Variants in TECPR1 observed in about 807,000 individuals in gnomAD.
The protein encoded by TECPR1 is tectonin beta-propeller repeat-containing protein 1.
A neutral mutation model predicts 162.4 loss-of-function variants in TECPR1; 122 were observed. The ratio of observed to expected loss-of-function variants is 0.75; its 90% CI spans 0.65 to 0.87. TECPR1 has a LOEUF of 0.87. Among genes scored for constraint, TECPR1 ranks in the 40% least tolerant of loss-of-function variants. The pLI, the probability that TECPR1 is intolerant of heterozygous loss-of-function variation, is 0.00. For missense variants in TECPR1, 1,432 were observed against 1,618.2 expected, an observed-to-expected ratio of 0.88 and a Z score of 1.97; for synonymous variants, 642 against 670.6, an observed-to-expected ratio of 0.96 and a Z score of 0.66.
In TECPR1 at chr7:98,222,413, C is replaced by T. The variant is rs1441326858; in HGVS notation, c.3037G>A (p.Gly1013Arg). The change falls in exon 22 of 26, where the codon GGA (glycine) becomes AGA (arginine). Residue 1013 changes from glycine (G) to arginine (R), a missense_variant. Physicochemically the swap from Gly to Arg is moderately radical, Grantham distance 125. Coordinates refer to ENST00000447648, the MANE Select transcript of TECPR1 (RefSeq NM_015395.3). The stretch of plus-strand genomic sequence containing the variant: ...GCTGGCTGCGAGGGGTACACGGATC[C>T]CCGGTAGAAGGCGGAGCCGTCCCTT... Reference protein sequence around the residue: ...VARDGSAFYRGSVYPSQPAGD... With the variant: ...VARDGSAFYRRSVYPSQPAGD... 5.0e-6 allele frequency: 8 copies of T among 1,599,102 alleles called. No individual in the cohort carries two copies. The highest frequency in any genetic ancestry group is 6.8e-6 in the Non-Finnish European group (8 of 1,173,892).
chr7:98,250,595 G>A (rs1393551430), intron 2 of TECPR1, among the ~76,000 whole-genome samples: 1 of 152,140 alleles, frequency 6.6e-6, no homozygotes, highest in Non-Finnish European at 1.5e-5. Flanking sequence ...CTATGATTGT[G>A]CCACTGCACT....
At chr7:98,222,549 G>T (rs1193332785) in intron 21 of TECPR1, 28 bp from the exon 22 acceptor site, 1 of 1,553,326 alleles carries the variant, frequency 6.4e-7, no homozygotes, top group East Asian at 2.4e-5. Flanking sequence ...GGGCGCTGAG[G>T]TCACCAGGGC....
At position 98,236,932 on chromosome 7, in the gene TECPR1, G is replaced by A. The variant is rs1377674853; in HGVS notation, c.1036-11C>T. ...GCCAATGCCCCACACCTGGAAGAGA[G>A]AGGCTGTGTTCCGAGGAATCTGGGC... On this transcript the variant is annotated splice_polypyrimidine_tract_variant and intron_variant, in intron 9 of 25. Transcript: ENST00000447648. 6.5e-7 allele frequency: 1 copy of A among 1,539,412 alleles called. No homozygotes were observed.
chr7:98,245,171 C>G (rs984565192), intron 3 of TECPR1, 104 bp from the exon 4 acceptor site: 40 of 1,276,310 alleles, frequency 3.1e-5, no homozygotes, highest in Non-Finnish European at 4.4e-5. Context: ...CCAGCCGACC[C>G]CCTCATTGAT....
intron 10 of TECPR1, among the ~76,000 whole-genome samples, chr7:98,236,490 C>T (rs118053816): frequency 2.2e-4 from 34 of 151,880 alleles, no homozygotes; most frequent in Non-Finnish European, 5.9e-5. Flanking sequence ...ACCTCCATCA[C>T]GACAGCCCAG....
intron 9 of TECPR1, 61 bp downstream of exon 9, chr7:98,238,448 G>T: frequency 1.5e-6 from 2 of 1,364,046 alleles, no homozygotes; most frequent in Non-Finnish European, 2.0e-6. Flanking sequence ...CTATTGGGTG[G>T]CATCAGGAGC....
At chr7:98,218,184 C>A (rs1798063214) in intron 23 of TECPR1, 142 bp from the exon 24 acceptor site, 3 of 660,112 alleles carry the variant, frequency 4.5e-6, no homozygotes, top group Non-Finnish European at 7.9e-6. Flanking sequence ...GGTCCTGGCC[C>A]CTGAGTCAGG....
intron 3 of TECPR1, among the ~76,000 whole-genome samples, chr7:98,245,312 C>T (rs1235588703): frequency 1.3e-5 from 2 of 152,236 alleles, no homozygotes; most frequent in Admixed American, 1.3e-4. Flanking sequence ...CCAGCCACGG[C>T]GCTGTGAGCA....
At chr7:98,228,831 TG>T in intron 16 of TECPR1, 1 of 614,444 alleles carries the variant, frequency 1.6e-6, no homozygotes, top group Non-Finnish European at 2.7e-6. Flanking sequence ...GCTGCCTCTC[TG>T]GAACCTTCGA....
intron 6 of TECPR1, among the ~76,000 whole-genome samples, chr7:98,242,154 C>T (rs778050929): frequency 1.1e-4 from 17 of 152,194 alleles, no homozygotes; most frequent in Non-Finnish European, 2.2e-4. Context: ...CCAACGTGGC[C>T]GCAGAGGGGG....
rs1562944876 is a variant in TECPR1 at position 98,244,675 on chromosome 7, C to T, written c.427G>A (p.Asp143Asn). 2 of 1,611,940 alleles carry T rather than the reference C, an allele frequency of 1.2e-6. No individual in the cohort carries two copies. The highest frequency in any genetic ancestry group is 1.7e-6 in the Non-Finnish European group (2 of 1,179,068). The change falls in exon 5 of 26, where the codon GAC (aspartate) becomes AAC (asparagine). Residue 143 changes from aspartate (D) to asparagine (N), a missense_variant. Coordinates refer to ENST00000447648, the MANE Select transcript of TECPR1 (RefSeq NM_015395.3). ...TEKGGWTYAI[D>N]FPATYTKDKK... ...TCTTTCGTGTAGGTGGCGGGAAAGT[C>T]GATGGCGTACGTCCACCCCTGAAAC...
Position 98,224,900 on chromosome 7 carries a change from G to A in TECPR1, c.2611-20C>T, listed in dbSNP as rs1401408811. The A allele has an allele frequency of 3.2e-6, 5 of 1,556,042 alleles. No individual in the cohort carries two copies. The highest frequency in any genetic ancestry group is 2.6e-6 in the Non-Finnish European group (3 of 1,150,104). The stretch of plus-strand genomic sequence containing the variant: ...GGAAACCTGGGAGGAGTGGGTCAGT[G>A]AGGATGGGACCCCCCGAATCCAGAA... On this transcript the variant is annotated intron_variant, in intron 18 of 25. Coordinates refer to ENST00000447648, the MANE Select transcript of TECPR1 (RefSeq NM_015395.3).
chr7:98,237,036 G>C (rs974176256), intron 9 of TECPR1, 115 bp from the exon 10 acceptor site: 15 of 1,211,298 alleles, frequency 1.2e-5, no homozygotes, highest in Non-Finnish European at 1.5e-5. Flanking sequence ...TGTGTGGGCT[G>C]GGAAGGTCCA....
chr7:98,217,658 G>A (rs1251209383), intron 25 of TECPR1, 34 bp downstream of exon 25: 19 of 1,523,412 alleles, frequency 1.2e-5, no homozygotes, highest in Non-Finnish European at 1.6e-5. Flanking sequence ...GGCACAAGGT[G>A]ATAACACAGC....
rs1237405735 is a variant in TECPR1, at chr7:98,236,143, G to A, written c.1181+633C>T. ...CTGAGTCGCCTGCCTGTGCTCTCAC[G>A]GCTGGTGGGCAGAGCTGGGGCTTGT... On this transcript the variant is annotated intron_variant, in intron 10 of 25. Coordinates refer to ENST00000447648, the MANE Select transcript of TECPR1 (RefSeq NM_015395.3). Among the ~76,000 whole-genome samples the A allele has an allele frequency of 3.9e-5, 6 of 152,280 alleles. No individual in the cohort carries two copies. The South Asian group carries it at 8.3e-4, about 21-fold the overall frequency.
rs201811067 is a variant in TECPR1, at chr7:98,236,933, A to C, written c.1036-12T>G. On this transcript the variant is annotated splice_polypyrimidine_tract_variant and intron_variant, in intron 9 of 25. Transcript: ENST00000447648. ...CCAATGCCCCACACCTGGAAGAGAG[A>C]GGCTGTGTTCCGAGGAATCTGGGCG... 8.3e-5 allele frequency: 128 copies of C among 1,537,436 alleles called. No individual in the cohort carries two copies. The highest frequency in any genetic ancestry group is 1.6e-5 in the Non-Finnish European group (18 of 1,140,084).
intron 6 of TECPR1, among the ~76,000 whole-genome samples, chr7:98,242,039 C>A (rs1431638439): frequency 6.6e-6 from 1 of 152,234 alleles, no homozygotes; most frequent in African/African-American, 2.4e-5. Flanking sequence ...GGCCATGGCC[C>A]CCCGATGGGG....
rs1329136416 is a variant in TECPR1 at position 98,222,434 on chromosome 7, C to T, written c.3016G>A (p.Asp1006Asn). ...GATCCCCGGTAGAAGGCGGAGCCGT[C>T]CCTTGCCACGGCCCACACCTGGTAG... ...ACYQVWAVAR[D>N]GSAFYRGSVY... The change falls in exon 22 of 26, where the codon GAC becomes AAC. Residue 1006 changes from aspartate (D) to asparagine (N), a missense_variant. Physicochemically the swap from Asp to Asn is conservative, Grantham distance 23 (BLOSUM62 1). Coordinates refer to ENST00000447648, the MANE Select transcript of TECPR1 (RefSeq NM_015395.3). 6.3e-7 allele frequency: 1 copy of T among 1,596,194 alleles called. No individual in the cohort carries two copies. Among genetic ancestry groups the T allele is most frequent in the Non-Finnish European group, 8.5e-7 (1 of 1,172,432 alleles).
chr7:98,245,894 C>A, intron 3 of TECPR1, 28 bp downstream of exon 3: 1 of 1,563,788 alleles, frequency 6.4e-7, no homozygotes, highest in South Asian at 1.2e-5. Context: ...CTGACCCGCT[C>A]GGCAACTCCA....
Sources: gnomAD v4.1 joint callset for allele counts (sites outside exome capture counted in the v4.1 genomes callset) on GRCh38, gnomAD v4.1.1 for gene constraint, MANE v1.5 for transcripts, NCBI Gene and HGNC (gene_info 2026-07-23, HGNC 2026-07-21) for gene names.